CREB5: variants seen among roughly 807,000 people sequenced by gnomAD.
CREB5 encodes cAMP responsive element binding protein 5.
CREB5 carries 19 observed loss-of-function variants against 57.1 expected under a neutral mutation model. The ratio of observed to expected loss-of-function variants is 0.33; its 90% confidence interval spans 0.23 to 0.49. The LOEUF (loss-of-function observed/expected upper bound fraction) is 0.49. Ranked by LOEUF, CREB5 falls within the 20% of genes least tolerant of loss-of-function variation. The pLI is 0.99. For missense variants in CREB5, 579 were observed against 671.6 expected (o/e 0.86, Z 1.52); for synonymous variants, 238 against 238.3 (o/e 1.00, Z 0.01).
At chr7:28,469,353 T>C (rs887976478) in intron 1 of CREB5, among the ~76,000 whole-genome samples, 4 of 152,238 alleles carry the variant, frequency 2.6e-5, no homozygotes, top group African/African-American at 9.6e-5. Flanking sequence ...GGGAACAACA[T>C]AGAGACAGAG....
At chr7:28,731,508 T>A (rs1803629644) in intron 7 of CREB5, among the ~76,000 whole-genome samples, 1 of 152,232 alleles carries the variant, frequency 6.6e-6, no homozygotes, top group African/African-American at 2.4e-5. Context: ...GGGATTCTTT[T>A]GGCAAAATCG....
intron 5 of CREB5, among the ~76,000 whole-genome samples, chr7:28,666,051 A>C (rs1799811049): frequency 6.6e-6 from 1 of 152,204 alleles, no homozygotes; most frequent in South Asian, 2.1e-4. Flanking sequence ...ATCTCTCAAA[A>C]AATAGTAAAC....
At chr7:28,339,467 T>G (rs1460173010) in intron 1 of CREB5, among the ~76,000 whole-genome samples, 1 of 152,204 alleles carries the variant, frequency 6.6e-6, no homozygotes, top group Non-Finnish European at 1.5e-5. Context: ...CTTCCCTTAC[T>G]TTCTCCCAAG....
intron 1 of CREB5, among the ~76,000 whole-genome samples, chr7:28,479,621 C>T (rs1440372378): frequency 1.3e-5 from 2 of 152,194 alleles, no homozygotes; most frequent in Non-Finnish European, 2.9e-5. Context: ...TATTTTTACC[C>T]TGTGTTCAAC....
intron 8 of CREB5, among the ~76,000 whole-genome samples, chr7:28,807,605 C>T (rs1347969054): frequency 6.6e-6 from 1 of 152,082 alleles, no homozygotes; most frequent in African/African-American, 2.4e-5. Flanking sequence ...AACCAGTAGC[C>T]ATTATTAGTG....
intron 5 of CREB5, among the ~76,000 whole-genome samples, chr7:28,638,689 A>G (rs1798525695): frequency 6.6e-6 from 1 of 152,126 alleles, no homozygotes; most frequent in African/African-American, 2.4e-5. Flanking sequence ...ATGCACCAAT[A>G]CAATTGATAT....
intron 6 of CREB5, among the ~76,000 whole-genome samples, 160 bp downstream of exon 6, chr7:28,719,039 G>A (rs1230773247): frequency 6.6e-6 from 1 of 152,198 alleles, no homozygotes; most frequent in Non-Finnish European, 1.5e-5. Flanking sequence ...TGAGGGCCCA[G>A]TTGCCCATCC....
Position 28,396,676 on chromosome 7 carries a change from CTTAGT to C in CREB5, c.-25+97239_-25+97243del, listed in dbSNP as rs556242121. ...CTATAAGTTTCCTGTGTCTGTTTTA[CTTAGT>C]TTAATCATTTTAATTGCAATTTTTA... On this transcript the variant is annotated intron_variant, in intron 1 of 9. Transcript: ENST00000396299. 8.8e-4 allele frequency among the ~76,000 whole-genome samples: 134 copies of C among 152,222 alleles called. 1 individual carries two copies. The highest frequency in any genetic ancestry group is 2.9e-3 in the African/African-American group (122 of 41,560).
chr7:28,472,318 A>G (rs1054297074), intron 1 of CREB5, among the ~76,000 whole-genome samples: 6 of 152,228 alleles, frequency 3.9e-5, no homozygotes, highest in African/African-American at 1.4e-4. Flanking sequence ...ACTATATACT[A>G]GAAATTATTC....
At chr7:28,588,597 T>C (rs1213248158) in intron 5 of CREB5, among the ~76,000 whole-genome samples, 1 of 152,190 alleles carries the variant, frequency 6.6e-6, no homozygotes, top group African/African-American at 2.4e-5. Context: ...AAAATACGCA[T>C]CCTTCATTCA....
chr7:28,618,728 C>A (rs1329405744), intron 5 of CREB5, among the ~76,000 whole-genome samples: 1 of 152,224 alleles, frequency 6.6e-6, no homozygotes, highest in African/African-American at 2.4e-5. Context: ...TGAACACCCA[C>A]CCCTGGCTAG....
chr7:28,535,645 GGGAA>G (rs1395682087), intron 4 of CREB5, among the ~76,000 whole-genome samples: 4 of 151,148 alleles, frequency 2.6e-5, no homozygotes, highest in Non-Finnish European at 2.9e-5. Flanking sequence ...AAAAAGAGAA[GGGAA>G]GGAAGGAAGA....
chr7:28,301,029 T>C (rs896453389), intron 1 of CREB5, among the ~76,000 whole-genome samples: 1 of 152,230 alleles, frequency 6.6e-6, no homozygotes, highest in Non-Finnish European at 1.5e-5. Context: ...CTCTAGAGAC[T>C]GTGATTTAAT....
At chr7:28,356,266 G>A (rs981503711) in intron 1 of CREB5, among the ~76,000 whole-genome samples, 2 of 152,214 alleles carry the variant, frequency 1.3e-5, no homozygotes, top group Admixed American at 6.5e-5. Context: ...CCCAGATGTA[G>A]CATGCTGGAA....
intron 1 of CREB5, among the ~76,000 whole-genome samples, chr7:28,485,783 T>G (rs968499322): frequency 1.1e-4 from 17 of 152,152 alleles, no homozygotes; most frequent in South Asian, 2.1e-4. Context: ...GCCCGACAAC[T>G]CTGTTGTTTA....
intron 5 of CREB5, among the ~76,000 whole-genome samples, chr7:28,651,764 T>A (rs1799138077): frequency 6.6e-6 from 1 of 152,218 alleles, no homozygotes; most frequent in South Asian, 2.1e-4. Flanking sequence ...ACTGTGCATA[T>A]TACATTTTGA....
At chr7:28,529,726 TG>T (rs1793640485) in intron 4 of CREB5, among the ~76,000 whole-genome samples, 1 of 152,200 alleles carries the variant, frequency 6.6e-6, no homozygotes, top group Non-Finnish European at 1.5e-5. Flanking sequence ...CACCCAAATG[TG>T]GGGAAATCAA....
intron 5 of CREB5, among the ~76,000 whole-genome samples, chr7:28,619,337 A>G (rs1797708786): frequency 6.6e-6 from 1 of 152,206 alleles, no homozygotes; most frequent in Non-Finnish European, 1.5e-5. Context: ...TTCATCCAAC[A>G]AAGCAGACAC....
At chr7:28,543,738 G>A (rs956963483) in intron 4 of CREB5, among the ~76,000 whole-genome samples, 19 of 151,954 alleles carry the variant, frequency 1.3e-4, no homozygotes, top group African/African-American at 4.1e-4. Flanking sequence ...CATGCTCTGT[G>A]TTTAATATAA....
Sources: gnomAD v4.1 joint callset for allele counts (sites outside exome capture counted in the v4.1 genomes callset) on GRCh38, gnomAD v4.1.1 for gene constraint, MANE v1.5 for transcripts, NCBI Gene and HGNC (gene_info 2026-07-23, HGNC 2026-07-21) for gene names.